SMYD4: variants seen among roughly 807,000 people sequenced by gnomAD.
SMYD4 encodes SET and MYND domain containing 4.
SMYD4 carries 68 observed loss-of-function variants against 72.8 expected under a neutral mutation model. That is an observed-to-expected ratio of 0.93 (90% confidence interval 0.77 to 1.14). SMYD4 has a LOEUF of 1.14. Among genes scored for constraint, SMYD4 ranks in the 50% most tolerant of loss-of-function variants. The pLI is 0.00. For synonymous variants in SMYD4, 407 were observed against 388.6 expected, an observed-to-expected ratio of 1.05 and a Z score of -0.56; for missense variants, 984 against 1,003.7, an observed-to-expected ratio of 0.98 and a Z score of 0.27.
intron 3 of SMYD4, among the ~76,000 whole-genome samples, chr17:1,807,412 C>T (rs1298812351): frequency 1.4e-5 from 2 of 147,304 alleles, no homozygotes; most frequent in Admixed American, 6.7e-5. Flanking sequence ...AAAACTTCCG[C>T]GTACCGCCCC....
chr17:1,809,694 C>CAG (rs145927861), intron 3 of SMYD4, among the ~76,000 whole-genome samples: 106,452 of 146,448 alleles, frequency 0.73, 38,954 homozygotes, highest in Non-Finnish European at 0.8. Flanking sequence ...TGTTTTGAGA[C>CAG]AGTCTCGCTC....
intron 5 of SMYD4, among the ~76,000 whole-genome samples, chr17:1,794,351 C>T (rs1324050376): frequency 6.7e-6 from 1 of 148,974 alleles, no homozygotes; most frequent in Non-Finnish European, 1.5e-5. Context: ...GATCTCCTGA[C>T]CTTGTGATCC....
chr17:1,809,001 G>C (rs974762069), intron 3 of SMYD4, among the ~76,000 whole-genome samples: 2 of 152,148 alleles, frequency 1.3e-5, no homozygotes, highest in African/African-American at 2.4e-5. Context: ...GCATAAACCT[G>C]TTAAAGATTC....
chr17:1,787,428 A>C lies in SMYD4; in HGVS notation c.1714T>G (p.Cys572Gly). 1.9e-6 allele frequency: 3 copies of C among 1,556,152 alleles called. No homozygotes were observed. Among genetic ancestry groups the C allele is most frequent in the Non-Finnish European group, 2.6e-6 (3 of 1,150,058 alleles). Residue 572 changes from cysteine to glycine, a missense_variant, in exon 6 of 11, where the codon TGC becomes GGC. Cys to Gly is a radical substitution (Grantham distance 159). Transcript: ENST00000305513. ...GTGCGGAGGGATGGCTCACCATAGCAGTGGAGAATCTCTTGCCCCTTTCTA... is the reference window on the plus strand; with the variant it reads ...GTGCGGAGGGATGGCTCACCATAGCCGTGGAGAATCTCTTGCCCCTTTCTA... ...RIRKGQEILH[C>G]YGPHKSRMGV...
intron 2 of SMYD4, among the ~76,000 whole-genome samples, chr17:1,826,499 AAAAAAAAAAAAAAAAAAAAG>A (rs1911180432): frequency 1.5e-5 from 1 of 64,606 alleles, no homozygotes; most frequent in African/African-American, 9.7e-5. Flanking sequence ...TCCAAAAAAA[AAAAAAAAAAAAAAAAAAAAG>A]AAAAGAAAAG....
Position 1,800,303 on chromosome 17 carries a change from C to T in SMYD4, c.1091G>A (p.Arg364His), listed in dbSNP as rs535301214. 1.1e-5 allele frequency: 17 copies of T among 1,614,034 alleles called. No homozygotes were observed. The East Asian group carries it at 2.5e-4, about 23-fold the overall frequency. Residue 364 changes from arginine (R) to histidine (H), a missense_variant, in exon 5 of 11, where the codon CGC becomes CAC. By Grantham distance (29) the Arg-to-His change is conservative. Coordinates refer to ENST00000305513, the MANE Select transcript of SMYD4 (RefSeq NM_052928.3). The stretch of plus-strand genomic sequence containing the variant: ...ATCACAAAGCTTCGTTATGATTTTG[C>T]GAACATCCTCAAATCCCACCAAAAG... ...LTLLVGFEDV[R>H]KIITKLCDKI...
chr17:1,818,026 G>T (rs962700546), intron 2 of SMYD4, among the ~76,000 whole-genome samples: 1 of 141,760 alleles, frequency 7.1e-6, no homozygotes, highest in South Asian at 2.2e-4. Context: ...CAGCCTGGGC[G>T]ATGGAGCAAG....
In SMYD4 at chr17:1,810,662, C is replaced by T. The variant is rs149746603; in HGVS notation, c.279+1309G>A. 7.9e-3 allele frequency among the ~76,000 whole-genome samples: 1,211 copies of T among 152,336 alleles called. 14 individuals carry two copies. The highest frequency in any genetic ancestry group is 0.014 in the Non-Finnish European group (957 of 68,034). ...TGACCCAGGTGAGGACAAGCACTCC[C>T]GCCTTCGCGCCCAAATGTTGCATTT... On this transcript the variant is annotated intron_variant, in intron 3 of 10. Coordinates refer to ENST00000305513, the MANE Select transcript of SMYD4 (RefSeq NM_052928.3).
intron 2 of SMYD4, among the ~76,000 whole-genome samples, chr17:1,827,624 G>A (rs1911259345): frequency 6.6e-6 from 1 of 152,088 alleles, no homozygotes; most frequent in Non-Finnish European, 1.5e-5. Context: ...AAGTACTTCA[G>A]GCATTTTCCA....
intron 2 of SMYD4, among the ~76,000 whole-genome samples, chr17:1,827,544 T>G (rs1028301516): frequency 6.6e-6 from 1 of 152,142 alleles, no homozygotes; most frequent in African/African-American, 2.4e-5. Context: ...AGGAAAGATC[T>G]GGCTAATCCT....
intron 3 of SMYD4, among the ~76,000 whole-genome samples, chr17:1,811,100 G>A (rs1193062832): frequency 1.3e-5 from 2 of 152,216 alleles, no homozygotes; most frequent in African/African-American, 4.8e-5. Flanking sequence ...GCCGCGTATA[G>A]ACAGCAAACT....
chr17:1,789,890 G>T (rs1373523761), intron 5 of SMYD4, among the ~76,000 whole-genome samples: 1 of 152,078 alleles, frequency 6.6e-6, no homozygotes, highest in East Asian at 1.9e-4. Context: ...ACATTTTGCA[G>T]GGAATCCAAA....
At chr17:1,790,662 G>A (rs568587413) in intron 5 of SMYD4, among the ~76,000 whole-genome samples, 1 of 151,886 alleles carries the variant, frequency 6.6e-6, no homozygotes, top group African/African-American at 2.4e-5. Context: ...GATTACAGGC[G>A]CCCATCACCA....
chr17:1,783,168 G>A lies in SMYD4; in HGVS notation c.2138-10C>T, dbSNP rs924174043. 2 of 1,613,702 alleles carry A rather than the reference G, an allele frequency of 1.2e-6. No homozygotes were observed. Among genetic ancestry groups the A allele is most frequent in the South Asian group, 2.2e-5 (2 of 91,058 alleles). ...GACTTTTGCCAGTCTCCTGTGAGAA[G>A]AGAAAAATCTTGTTCCAGAAAAGAA... On this transcript the variant is annotated splice_polypyrimidine_tract_variant and intron_variant, in intron 9 of 10. Coordinates refer to ENST00000305513, the MANE Select transcript of SMYD4 (RefSeq NM_052928.3).
intron 2 of SMYD4, among the ~76,000 whole-genome samples, chr17:1,816,935 T>C (rs1469117950): frequency 2.0e-5 from 3 of 152,112 alleles, no homozygotes; most frequent in Admixed American, 1.3e-4. Flanking sequence ...TTGTAGGAGT[T>C]CTTTATATAT....
At position 1,781,051 on chromosome 17, in the gene SMYD4, C is replaced by G. The variant is rs1908335926; in HGVS notation, c.*235G>C. 2.8e-6 allele frequency: 1 copy of G among 353,318 alleles called. No individual in the cohort carries two copies. The highest frequency in any genetic ancestry group is 2.2e-5 in the African/African-American group (1 of 46,096). The allele number at this position is 353,318 out of a possible 1,614,324, so 21.9% of individuals were successfully genotyped here. On this transcript the variant is annotated 3_prime_UTR_variant, in exon 11 of 11. Coordinates refer to ENST00000305513, the MANE Select transcript of SMYD4 (RefSeq NM_052928.3). ...TCTCCTGCCTCAGCCTCCCAAGTAG[C>G]TGGGATTACAGGTGCCCACCACCAC...
chr17:1,801,108 A>G, intron 4 of SMYD4, 84 bp from the exon 5 acceptor site: 2 of 1,267,378 alleles, frequency 1.6e-6, no homozygotes, highest in Non-Finnish European at 2.2e-6. Flanking sequence ...AATCTACAGG[A>G]AAGTTAAGGA....
intron 2 of SMYD4, among the ~76,000 whole-genome samples, chr17:1,826,312 G>A (rs1911166068): frequency 1.3e-5 from 2 of 151,976 alleles, no homozygotes; most frequent in Admixed American, 1.3e-4. Flanking sequence ...GCCCAACATG[G>A]CGAAACTCCA....
At chr17:1,796,730 C>G (rs1909429388) in intron 5 of SMYD4, among the ~76,000 whole-genome samples, 1 of 152,116 alleles carries the variant, frequency 6.6e-6, no homozygotes, top group South Asian at 2.1e-4. Flanking sequence ...CCACCGCGCC[C>G]AGCCCTATTA....
Sources: allele counts gnomAD v4.1 joint callset (sites outside exome capture counted in the v4.1 genomes callset), GRCh38; gene constraint gnomAD v4.1.1; transcripts MANE v1.5; gene names NCBI Gene and HGNC (gene_info 2026-07-23, HGNC 2026-07-21).